Variants in CACNA1E observed in about 807,000 individuals in gnomAD.
CACNA1E encodes the protein calcium voltage-gated channel subunit alpha1 E.
Under a neutral mutation model 259.2 loss-of-function variants are expected in CACNA1E, and 40 were observed. The observed-to-expected ratio is 0.15, with a 90% confidence interval of 0.12 to 0.20. The LOEUF is 0.20. Ranked by LOEUF, CACNA1E falls within the 10% of genes least tolerant of loss-of-function variation. The pLI, the probability that CACNA1E is intolerant of heterozygous loss-of-function variation, is 1.00. For synonymous variants in CACNA1E, 1,104 were observed against 1,138.5 expected, an observed-to-expected ratio of 0.97 and a Z score of 0.61; for missense variants, 1,874 against 3,040.1, an observed-to-expected ratio of 0.62 and a Z score of 9.02.
At position 181,716,601 on chromosome 1, in the gene CACNA1E, T is replaced by C. The variant is rs145576252; in HGVS notation, c.1315+472T>C. ...TCTGATTGGCAATTATTTAACATTA[T>C]GTGTTCCATCTCAGGTGCTCCTAGA... On this transcript the variant is annotated intron_variant, in intron 10 of 47. Transcript: ENST00000367573. 1.2e-3 allele frequency among the ~76,000 whole-genome samples: 187 copies of C among 152,374 alleles called. 1 individual carries two copies. The highest frequency in any genetic ancestry group is 4.3e-3 in the African/African-American group (180 of 41,596).
chr1:181,418,552 C>T (rs1658459872), intron 2 of CACNA1E, among the ~76,000 whole-genome samples: 1 of 152,164 alleles, frequency 6.6e-6, no homozygotes, highest in Non-Finnish European at 1.5e-5. Context: ...AAGATACCAC[C>T]CACTTATTCA....
chr1:181,506,254 A>T (rs1319388155), intron 1 of CACNA1E, among the ~76,000 whole-genome samples: 2 of 152,070 alleles, frequency 1.3e-5, no homozygotes, highest in African/African-American at 4.8e-5. Flanking sequence ...CACTAGCTTG[A>T]CTGGTGGGTG....
chr1:181,694,367 C>T (rs151305242), intron 7 of CACNA1E, among the ~76,000 whole-genome samples: 1 of 152,140 alleles, frequency 6.6e-6, no homozygotes, highest in Non-Finnish European at 1.5e-5. Flanking sequence ...GATGAAATGG[C>T]ATTGCTATTG....
At chr1:181,736,496 G>A in intron 22 of CACNA1E, 62 bp downstream of exon 22, 1 of 1,483,984 alleles carries the variant, frequency 6.7e-7, no homozygotes, top group Non-Finnish European at 9.2e-7. Flanking sequence ...TGTGAGGCAG[G>A]GCAGGGTGAA....
chr1:181,423,535 G>A (rs1658918006), intron 2 of CACNA1E, among the ~76,000 whole-genome samples: 1 of 151,480 alleles, frequency 6.6e-6, no homozygotes, highest in South Asian at 2.1e-4. Context: ...ACTTAGTAGG[G>A]GTGATCACAT....
intron 3 of CACNA1E, among the ~76,000 whole-genome samples, chr1:181,561,944 G>C (rs569227653): frequency 6.3e-4 from 96 of 152,098 alleles, no homozygotes; most frequent in Middle Eastern, 3.2e-3. Context: ...CTTCTAATAA[G>C]TGTGTAGTAA....
chr1:181,702,039 C>T (rs1015740357), intron 7 of CACNA1E, among the ~76,000 whole-genome samples: 1 of 152,080 alleles, frequency 6.6e-6, no homozygotes, highest in African/African-American at 2.4e-5. Context: ...GCAGCTGGCA[C>T]ATATTGTGTG....
At chr1:181,486,105 G>T (rs1265608969) in intron 1 of CACNA1E, among the ~76,000 whole-genome samples, 1 of 152,240 alleles carries the variant, frequency 6.6e-6, no homozygotes, top group African/African-American at 2.4e-5. Context: ...TCCACCAGGC[G>T]TTGCGAGCGC....
intron 3 of CACNA1E, among the ~76,000 whole-genome samples, chr1:181,525,855 A>C (rs1667314140): frequency 6.6e-6 from 1 of 152,196 alleles, no homozygotes; most frequent in Admixed American, 6.5e-5. Context: ...GCAGTTTATG[A>C]CATGGCTTCT....
chr1:181,781,318 T>G (rs1299599443), intron 38 of CACNA1E, 109 bp from the exon 39 acceptor site: 14 of 666,778 alleles, frequency 2.1e-5, no homozygotes. Context: ...GAATGCCTAT[T>G]CTCCTCTCCT....
At chr1:181,747,964 CTT>C (rs1204449619) in intron 25 of CACNA1E, among the ~76,000 whole-genome samples, 3 of 152,188 alleles carry the variant, frequency 2.0e-5, no homozygotes, top group Non-Finnish European at 4.4e-5. Flanking sequence ...ATTCAGTACT[CTT>C]TTCATTTCAA....
intron 2 of CACNA1E, among the ~76,000 whole-genome samples, chr1:181,437,368 C>G (rs1259389883): frequency 1.3e-5 from 2 of 152,082 alleles, no homozygotes; most frequent in Non-Finnish European, 2.9e-5. Context: ...CATATAAGAA[C>G]AAAACACAAG....
chr1:181,786,967 T>A (rs558975564), intron 43 of CACNA1E, among the ~76,000 whole-genome samples: 235 of 152,124 alleles, frequency 1.5e-3, no homozygotes, highest in African/African-American at 4.7e-3. Context: ...ATTTTTTTTT[T>A]AAATAATTTG....
At chr1:181,499,699 C>T (rs115167205) in intron 1 of CACNA1E, among the ~76,000 whole-genome samples, 1 of 152,192 alleles carries the variant, frequency 6.6e-6, no homozygotes, top group Non-Finnish European at 1.5e-5. Context: ...AATGCTGATA[C>T]CTAGACTGCA....
At chr1:181,669,100 A>G (rs1648540335) in intron 7 of CACNA1E, 1 of 152,220 alleles carries the variant, frequency 6.6e-6, no homozygotes. Context: ...GTAAGTTCTC[A>G]GGAAAAAAAT....
At chr1:181,748,751 T>C (rs1657333647) in intron 25 of CACNA1E, among the ~76,000 whole-genome samples, 1 of 152,262 alleles carries the variant, frequency 6.6e-6, no homozygotes, top group African/African-American at 2.4e-5. Context: ...CTTGCAGTTA[T>C]ACTTTTATTA....
intron 7 of CACNA1E, among the ~76,000 whole-genome samples, chr1:181,706,845 C>A (rs1157091639): frequency 2.0e-5 from 3 of 152,180 alleles, no homozygotes; most frequent in African/African-American, 4.8e-5. Context: ...TTGAATCTCG[C>A]AGGGCTTTTG....
At position 181,755,138 on chromosome 1, in the gene CACNA1E, G is replaced by T. The variant is rs900859527; in HGVS notation, c.3829-99G>T. ...AAATTCTCTCCTGGGACAACTTCTT[G>T]GTGGGGCTGGGTAGTGGTGGTATGG... On this transcript the variant is annotated intron_variant, in intron 27 of 47. Coordinates refer to ENST00000367573, the MANE Select transcript of CACNA1E (RefSeq NM_001205293.3). The T allele has an allele frequency of 1.3e-4, 109 of 864,230 alleles. 1 individual carries two copies. In the South Asian group the frequency reaches 2.2e-3, roughly 17 times the overall value. The allele number at this position is 864,230 out of a possible 1,614,324, so 53.5% of individuals were successfully genotyped here. A position where few individuals can be genotyped will look rare whatever the true frequency, so the allele number is the denominator to read the frequency against.
At chr1:181,474,326 A>T (rs1415661956) in intron 2 of CACNA1E, among the ~76,000 whole-genome samples, 14 of 152,210 alleles carry the variant, frequency 9.2e-5, no homozygotes. Context: ...TTGGCTTGTC[A>T]GTGGTGTTAG....
Sources: gnomAD v4.1 joint callset for allele counts (sites outside exome capture counted in the v4.1 genomes callset) on GRCh38, gnomAD v4.1.1 for gene constraint, MANE v1.5 for transcripts, NCBI Gene and HGNC (gene_info 2026-07-23, HGNC 2026-07-21) for gene names.